CDIN1: variants seen among roughly 807,000 people sequenced by gnomAD.
CDIN1 encodes CDAN1-interacting nuclease 1.
CDIN1 carries 33 observed loss-of-function variants against 45.3 expected under a neutral mutation model. The ratio of observed to expected loss-of-function variants is 0.73; its 90% confidence interval spans 0.55 to 0.97. The LOEUF is 0.97. CDIN1 is among the 50% of genes least tolerant of loss of function. The pLI, the probability that CDIN1 is intolerant of heterozygous loss-of-function variation, is 0.00. For synonymous variants in CDIN1, 118 were observed against 124.4 expected, an observed-to-expected ratio of 0.95 and a Z score of 0.34; for missense variants, 303 against 339.4, an observed-to-expected ratio of 0.89 and a Z score of 0.84.
At chr15:36,715,249 A>G (rs1196346618) in intron 10 of CDIN1, among the ~76,000 whole-genome samples, 2 of 152,188 alleles carry the variant, frequency 1.3e-5, no homozygotes, top group African/African-American at 4.8e-5. Context: ...CCTGAAGGCA[A>G]TGCTAAGCTA....
At chr15:36,760,636 C>T (rs1283674409) in intron 10 of CDIN1, among the ~76,000 whole-genome samples, 1 of 152,200 alleles carries the variant, frequency 6.6e-6, no homozygotes, top group Non-Finnish European at 1.5e-5. Context: ...TTTCCCAACT[C>T]CATCCCGCAC....
At chr15:36,727,090 T>G (rs1169374949) in intron 10 of CDIN1, among the ~76,000 whole-genome samples, 3 of 152,090 alleles carry the variant, frequency 2.0e-5, no homozygotes, top group African/African-American at 7.2e-5. Context: ...CTATCAATTA[T>G]TTTAAAAAGC....
At chr15:36,626,029 G>A (rs2039408012) in intron 1 of CDIN1, among the ~76,000 whole-genome samples, 2 of 151,754 alleles carry the variant, frequency 1.3e-5, no homozygotes, top group African/African-American at 4.8e-5. Flanking sequence ...TAGAGATTAT[G>A]TATTTTGTAT....
intron 10 of CDIN1, among the ~76,000 whole-genome samples, chr15:36,713,873 C>T (rs750290227): frequency 1.3e-5 from 2 of 152,196 alleles, no homozygotes; most frequent in Non-Finnish European, 2.9e-5. Flanking sequence ...TTCGTAACAT[C>T]TATCAAACAT....
intron 10 of CDIN1, among the ~76,000 whole-genome samples, chr15:36,750,751 C>T (rs1384537885): frequency 1.3e-5 from 2 of 152,076 alleles, no homozygotes; most frequent in African/African-American, 4.8e-5. Context: ...ACTGAATTGC[C>T]AGTTCCGAAA....
intron 10 of CDIN1, among the ~76,000 whole-genome samples, chr15:36,718,092 T>C (rs1215152624): frequency 1.3e-5 from 2 of 152,084 alleles, no homozygotes; most frequent in Non-Finnish European, 2.9e-5. Context: ...GCTTCTTGCA[T>C]GTAGAAATGG....
Position 36,579,696 on chromosome 15 carries a change from GC to G in CDIN1, c.-164del, listed in dbSNP as rs1486627634. On this transcript the variant is annotated 5_prime_UTR_variant, in exon 1 of 11. Coordinates refer to ENST00000566621, the MANE Select transcript of CDIN1 (RefSeq NM_001321759.2). ...CTGGGACCGGGCGAGTCTCCGCCCC[GC>G]TTTTGCAGCTAGGGGTGTGTTTCAG... 1 of 580,352 alleles carries G rather than the reference GC, an allele frequency of 1.7e-6. No individual in the cohort carries two copies. Among genetic ancestry groups the G allele is most frequent in the East Asian group, 2.9e-5 (1 of 34,084 alleles). 36.0% of individuals were successfully genotyped at this position (580,352 alleles called of 1,614,324 possible).
At chr15:36,718,402 G>A (rs528577841) in intron 10 of CDIN1, among the ~76,000 whole-genome samples, 7 of 152,198 alleles carry the variant, frequency 4.6e-5, no homozygotes, top group East Asian at 3.9e-4. Context: ...AGCCTGCTGC[G>A]ATTTAGATTG....
chr15:36,716,842 G>A (rs1004044085), intron 10 of CDIN1, among the ~76,000 whole-genome samples: 29 of 152,164 alleles, frequency 1.9e-4, no homozygotes, highest in African/African-American at 6.5e-4. Flanking sequence ...ACATTTACAG[G>A]CACTGTGTTA....
At chr15:36,659,458 G>T (rs557549430) in intron 5 of CDIN1, among the ~76,000 whole-genome samples, 2 of 152,148 alleles carry the variant, frequency 1.3e-5, no homozygotes, top group African/African-American at 4.8e-5. Context: ...CAAGGAAAGG[G>T]TATTTCAAGA....
intron 1 of CDIN1, among the ~76,000 whole-genome samples, chr15:36,643,369 A>C (rs566773673): frequency 6.6e-6 from 1 of 152,340 alleles, no homozygotes; most frequent in South Asian, 2.1e-4. Context: ...TTCATTTATA[A>C]ATAGAAAAAA....
At chr15:36,619,075 C>G (rs2039031291) in intron 1 of CDIN1, 23 of 1,177,378 alleles carry the variant, frequency 2.0e-5, no homozygotes, top group Middle Eastern at 2.3e-4. Flanking sequence ...TTAGAAGTCC[C>G]TTGAGAAACC....
chr15:36,706,310 A>G (rs1337806965), intron 8 of CDIN1: 1 of 152,112 alleles, frequency 6.6e-6, no homozygotes, highest in East Asian at 1.9e-4. Flanking sequence ...GGATAGGTCC[A>G]GTGTTATTTA....
At chr15:36,784,411 C>A (rs1235696772) in intron 10 of CDIN1, among the ~76,000 whole-genome samples, 1 of 152,184 alleles carries the variant, frequency 6.6e-6, no homozygotes, top group Non-Finnish European at 1.5e-5. Context: ...GCAATAATTG[C>A]TCAAAGCAAT....
chr15:36,618,795 A>G (rs2039018533), intron 1 of CDIN1: 6 of 782,986 alleles, frequency 7.7e-6, no homozygotes, highest in Admixed American at 6.9e-5. Flanking sequence ...CTAATAGAGG[A>G]TTCCTCTGTT....
intron 3 of CDIN1, 51 bp from the exon 4 acceptor site, chr15:36,654,047 A>C (rs1197082133): frequency 1.4e-6 from 2 of 1,385,376 alleles, no homozygotes; most frequent in South Asian, 2.5e-5. Context: ...TGACAAGTCT[A>C]TGCTGGCCTT....
chr15:36,774,163 T>TGTGTGTGTGTGC (rs149222188), intron 10 of CDIN1, among the ~76,000 whole-genome samples: 51 of 143,148 alleles, frequency 3.6e-4, no homozygotes, highest in African/African-American at 1.3e-3. Context: ...TGTGTGTGTG[T>TGTGTGTGTGTGC]GCGCGCGCGC....
At chr15:36,595,425 C>T (rs906183150) in intron 1 of CDIN1, among the ~76,000 whole-genome samples, 2 of 151,564 alleles carry the variant, frequency 1.3e-5, no homozygotes, top group Non-Finnish European at 2.9e-5. Context: ...ATTTCTCTAT[C>T]AAATATTTTA....
At chr15:36,755,753 C>T (rs966661517) in intron 10 of CDIN1, among the ~76,000 whole-genome samples, 1 of 151,992 alleles carries the variant, frequency 6.6e-6, no homozygotes, top group South Asian at 2.1e-4. Context: ...ACAATATCCT[C>T]GTGTTGGGTT....
Sources: allele counts gnomAD v4.1 joint callset (sites outside exome capture counted in the v4.1 genomes callset), GRCh38; gene constraint gnomAD v4.1.1; transcripts MANE v1.5; gene names NCBI Gene and HGNC (gene_info 2026-07-23, HGNC 2026-07-21).